ZNF516: variants seen among roughly 807,000 people sequenced by gnomAD.
The protein encoded by ZNF516 is zinc finger protein 516.
In ZNF516, 19 loss-of-function variants were observed where a neutral mutation model predicts 79.7. That is an observed-to-expected ratio of 0.24 (90% CI 0.17 to 0.35). The LOEUF is 0.35. Among genes scored for constraint, ZNF516 ranks in the 10% least tolerant of loss-of-function variants. ZNF516 has a pLI of 1.00. For synonymous variants in ZNF516, 877 were observed against 739.5 expected, an observed-to-expected ratio of 1.19 and a Z score of -3.02; for missense variants, 1,678 against 1,679.5, an observed-to-expected ratio of 1.00 and a Z score of 0.02.
chr18:76,429,414 C>G lies in ZNF516; in HGVS notation c.1810+11831G>C, dbSNP rs181362114. ...TCCAGATGCAGCAATCCACGCTCCC[C>G]AGCCTCTGGGCTCACTGAGGTGTTT... is the stretch of plus-strand genomic sequence containing the variant. On this transcript the variant is annotated intron_variant, in intron 3 of 6. Transcript: ENST00000443185. Among the ~76,000 whole-genome samples, 66 of 152,342 alleles carry G rather than the reference C, an allele frequency of 4.3e-4. No homozygotes were observed. In the East Asian group the frequency reaches 0.012, roughly 27 times the overall value.
At chr18:76,396,112 C>G (rs1311251463) in intron 3 of ZNF516, among the ~76,000 whole-genome samples, 1 of 152,172 alleles carries the variant, frequency 6.6e-6, no homozygotes, top group Non-Finnish European at 1.5e-5. Flanking sequence ...GGGCTGACAG[C>G]AAATAGGATA....
At position 76,451,485 on chromosome 18, in the gene ZNF516, C is replaced by T. The variant is rs972352384; in HGVS notation, c.-157-8274G>A. Among the ~76,000 whole-genome samples, 7 of 152,146 alleles carry T rather than the reference C, an allele frequency of 4.6e-5. No individual in the cohort carries two copies. Among genetic ancestry groups the T allele is most frequent in the African/African-American group, 1.2e-4 (5 of 41,436 alleles). Reference sequence around the variant, plus strand: ...AAGCTCAAAGCAGACAGAATGCTTCCGATATTTACAGGGCTGTCTGCAAAG... The same window carrying T: ...AAGCTCAAAGCAGACAGAATGCTTCTGATATTTACAGGGCTGTCTGCAAAG... On this transcript the variant is annotated intron_variant, in intron 2 of 6. Coordinates refer to ENST00000443185, the MANE Select transcript of ZNF516 (RefSeq NM_014643.4). The surrounding 1 kb of genome is among the most constrained non-coding windows in gnomAD (Gnocchi z 6.0).
chr18:76,462,116 G>A (rs1913151149), intron 2 of ZNF516, among the ~76,000 whole-genome samples: 1 of 152,170 alleles, frequency 6.6e-6, no homozygotes, highest in African/African-American at 2.4e-5. Flanking sequence ...TTCTGCCACA[G>A]AAGCGTGTTT....
At chr18:76,476,856 G>A (rs1467992629) in intron 1 of ZNF516, among the ~76,000 whole-genome samples, 3 of 152,166 alleles carry the variant, frequency 2.0e-5, no homozygotes, top group Non-Finnish European at 4.4e-5. Context: ...CCCCCCAGAT[G>A]TATGCCGGTG....
chr18:76,430,075 T>C (rs1378317331), intron 3 of ZNF516, among the ~76,000 whole-genome samples: 1 of 152,178 alleles, frequency 6.6e-6, no homozygotes, highest in Non-Finnish European at 1.5e-5. Context: ...CTTCAGGAAC[T>C]TCCTGGGCCA....
intron 6 of ZNF516, among the ~76,000 whole-genome samples, chr18:76,363,133 C>T (rs1306641664): frequency 6.6e-6 from 1 of 152,152 alleles, no homozygotes. Context: ...CGAGAGAAAA[C>T]CAAGCATAAA....
At chr18:76,410,332 C>T (rs1350114064) in intron 3 of ZNF516, among the ~76,000 whole-genome samples, 1 of 152,158 alleles carries the variant, frequency 6.6e-6, no homozygotes, top group East Asian at 1.9e-4. Flanking sequence ...GTCAGGGCTT[C>T]AGGTATCCAT....
intron 1 of ZNF516, chr18:76,488,159 G>C (rs926729026): frequency 4.8e-5 from 47 of 985,168 alleles, no homozygotes; most frequent in Admixed American, 6.2e-5. Flanking sequence ...CGGATGCACA[G>C]CCTGACACTA....
chr18:76,382,654 T>C (rs1021001373), intron 3 of ZNF516, among the ~76,000 whole-genome samples: 1 of 152,062 alleles, frequency 6.6e-6, no homozygotes, highest in Non-Finnish European at 1.5e-5. Context: ...CTCAGACCCA[T>C]AATCCCAGCA....
chr18:76,415,135 T>C (rs1274465451), intron 3 of ZNF516, among the ~76,000 whole-genome samples: 2 of 151,992 alleles, frequency 1.3e-5, no homozygotes, highest in Admixed American at 6.5e-5. Context: ...GAAGTGAAGG[T>C]TGCAGTGAGC....
At chr18:76,472,142 G>A (rs1913879564) in intron 1 of ZNF516, among the ~76,000 whole-genome samples, 2 of 152,142 alleles carry the variant, frequency 1.3e-5, no homozygotes, top group African/African-American at 4.8e-5. Context: ...CCGGTCCCTT[G>A]GTCAGCGTCC....
intron 2 of ZNF516, among the ~76,000 whole-genome samples, chr18:76,454,659 T>G (rs1422307140): frequency 6.6e-6 from 1 of 152,312 alleles, no homozygotes; most frequent in South Asian, 2.1e-4. Context: ...CACATTTCCA[T>G]AGGATTTACC....
intron 3 of ZNF516, among the ~76,000 whole-genome samples, chr18:76,384,118 C>T (rs1167935568): frequency 6.6e-6 from 1 of 152,190 alleles, no homozygotes; most frequent in Non-Finnish European, 1.5e-5. Flanking sequence ...CCCTTTTCTA[C>T]ACTTCCCATT....
At position 76,379,446 on chromosome 18, in the gene ZNF516, G is replaced by A. The variant is rs1175194974; in HGVS notation, c.2668C>T (p.Pro890Ser). The part of the protein sequence containing the change: ...PGPDGYRQTK[P>S]CHGQEPHGAA... ...CCATGTGGCTCCTGGCCGTGACAAG[G>A]TTTGGTCTGTCGATACCCGTCAGGG... The change falls in exon 4 of 7, where the codon CCT becomes TCT. Residue 890 changes from proline to serine, a missense_variant. Around this residue, in one of 5 missense-constraint regions of ZNF516, gnomAD observed 1,294 missense variants for 1,248.3 expected, o/e 1.04. Transcript: ENST00000443185. The A allele has an allele frequency of 6.2e-7, 1 of 1,613,224 alleles. No homozygotes were observed. The highest frequency in any genetic ancestry group is 8.5e-7 in the Non-Finnish European group (1 of 1,179,812).
rs1911790653 is a variant in ZNF516 at position 76,442,777 on chromosome 18, T to C, written c.278A>G (p.His93Arg). The C allele has an allele frequency of 6.2e-7, 1 of 1,601,708 alleles. No individual in the cohort carries two copies. Among genetic ancestry groups the C allele is most frequent in the African/African-American group, 1.3e-5 (1 of 74,784 alleles). ...SHRTGTLIQG[H>R]EPEAGEAPLG... ...CGGCGCCTCGCCCGCCTCCGGCTCG[T>C]GTCCCTGAATCAGAGTCCCCGTGCG... The change falls in exon 3 of 7, where the codon CAC (histidine) becomes CGC (arginine). Residue 93 changes from histidine to arginine, a missense_variant. Physicochemically the swap from His to Arg is conservative, Grantham distance 29. This residue lies in a region of ZNF516 where 279 missense variants were observed against 254.1 expected (regional missense o/e 1.10). Transcript: ENST00000443185.
At chr18:76,399,416 A>C (rs559865138) in intron 3 of ZNF516, among the ~76,000 whole-genome samples, 2 of 152,360 alleles carry the variant, frequency 1.3e-5, no homozygotes, top group South Asian at 4.1e-4. Context: ...AGACGGAATT[A>C]AGCAAACTAT....
At position 76,359,588 on chromosome 18, in the gene ZNF516, C is replaced by T. The variant is rs912965770; in HGVS notation, c.*2910G>A. ...AACAGGAGAGTATAGGAAGGCAGGC[C>T]AGGGTGCAGCCAGGCCCCAGCAGGG... On this transcript the variant is annotated 3_prime_UTR_variant, in exon 7 of 7. Coordinates refer to ENST00000443185, the MANE Select transcript of ZNF516 (RefSeq NM_014643.4). 2.0e-5 allele frequency: 3 copies of T among 151,662 alleles called. No individual in the cohort carries two copies. The South Asian group carries it at 6.3e-4, about 32-fold the overall frequency. 9.4% of individuals were successfully genotyped at this position (151,662 alleles called of 1,614,324 possible).
At chr18:76,374,939 T>A (rs1325618094) in intron 4 of ZNF516, among the ~76,000 whole-genome samples, 1 of 152,088 alleles carries the variant, frequency 6.6e-6, no homozygotes, top group Non-Finnish European at 1.5e-5. Flanking sequence ...TGAAACAAGA[T>A]TCTAGACTCA....
intron 3 of ZNF516, among the ~76,000 whole-genome samples, chr18:76,434,579 G>A (rs2075705283): frequency 2.6e-5 from 4 of 152,322 alleles, no homozygotes; most frequent in Middle Eastern, 3.4e-3. Context: ...AGGAAACTCG[G>A]CACACCCCAC....
Sources: allele counts gnomAD v4.1 joint callset (sites outside exome capture counted in the v4.1 genomes callset), GRCh38; gene constraint gnomAD v4.1.1; regional missense constraint gnomAD v4.1.1; non-coding constraint Gnocchi (gnomAD v3.1); transcripts MANE v1.5; gene names NCBI Gene and HGNC (gene_info 2026-07-23, HGNC 2026-07-21).